The following ERC2 variants were observed in gnomAD, a reference collection of about 807,000 sequenced individuals.
The protein encoded by ERC2 is ERC protein 2.
Under a neutral mutation model 114.8 loss-of-function variants are expected in ERC2, and 42 were observed. The observed-to-expected ratio is 0.37, with a 90% confidence interval of 0.29 to 0.47. ERC2 has a LOEUF of 0.47. ERC2 is among the 20% of genes least tolerant of loss of function. The pLI is 0.99. For missense variants in ERC2, 939 were observed against 1,150.7 expected (o/e 0.82, Z 2.66); for synonymous variants, 454 against 425.5 (o/e 1.07, Z -0.82).
At chr3:55,654,802 C>T (rs2148689249) in intron 17 of ERC2, among the ~76,000 whole-genome samples, 1 of 152,340 alleles carries the variant, frequency 6.6e-6, no homozygotes, top group Non-Finnish European at 1.5e-5. Flanking sequence ...CCCTAATTGC[C>T]AGGTTAGATG....
intron 1 of ERC2, among the ~76,000 whole-genome samples, chr3:56,445,904 CT>C (rs923803359): frequency 3.9e-4 from 58 of 147,348 alleles, no homozygotes; most frequent in South Asian, 4.3e-4. Flanking sequence ...AAGCGTAATG[CT>C]TTTTTTTTTT....
chr3:55,893,430 C>T (rs2063703958), intron 13 of ERC2, among the ~76,000 whole-genome samples: 1 of 152,062 alleles, frequency 6.6e-6, no homozygotes, highest in Admixed American at 6.5e-5. Context: ...TCTCCTTTTT[C>T]CTCACTTGAC....
chr3:56,252,724 T>C (rs1576096464), intron 3 of ERC2, among the ~76,000 whole-genome samples: 1 of 124,284 alleles, frequency 8.0e-6, no homozygotes, highest in South Asian at 2.5e-4. Context: ...GCCATTGAAC[T>C]CCAGCCTGGG....
At chr3:55,915,930 C>CA (rs1392531820) in intron 13 of ERC2, among the ~76,000 whole-genome samples, 1 of 152,046 alleles carries the variant, frequency 6.6e-6, no homozygotes. Context: ...GATTTTAAGA[C>CA]AAAAAAATCA....
At chr3:56,233,900 A>C (rs983927871) in intron 3 of ERC2, among the ~76,000 whole-genome samples, 6 of 152,120 alleles carry the variant, frequency 3.9e-5, no homozygotes, top group Non-Finnish European at 8.8e-5. Context: ...CTCACTCTTC[A>C]CTTTTAAGGA....
intron 14 of ERC2, among the ~76,000 whole-genome samples, chr3:55,797,681 T>C (rs2070628416): frequency 6.6e-6 from 1 of 152,166 alleles, no homozygotes. Context: ...AACTACAGAA[T>C]ATAAAATGGC....
intron 13 of ERC2, among the ~76,000 whole-genome samples, chr3:55,901,778 G>C (rs2064150322): frequency 1.3e-5 from 2 of 152,194 alleles, no homozygotes. Context: ...CCCATACTCT[G>C]AAGGAAGAAT....
At chr3:56,075,339 C>T (rs2076922636) in intron 7 of ERC2, among the ~76,000 whole-genome samples, 1 of 152,060 alleles carries the variant, frequency 6.6e-6, no homozygotes, top group Non-Finnish European at 1.5e-5. Flanking sequence ...GGGAGAGCAG[C>T]CGTCAACAGA....
chr3:55,553,011 A>AT (rs66602607), intron 17 of ERC2, among the ~76,000 whole-genome samples: 27,098 of 54,036 alleles, frequency 0.5, 10,788 homozygotes, highest in East Asian at 0.85. Flanking sequence ...GGGCTTCCAG[A>AT]TTTTTTTTTT....
intron 17 of ERC2, among the ~76,000 whole-genome samples, chr3:55,677,854 C>A (rs1004413568): frequency 1.3e-5 from 2 of 152,146 alleles, no homozygotes; most frequent in Non-Finnish European, 2.9e-5. Flanking sequence ...GGCTTATGGA[C>A]GCCTGCTTGA....
At chr3:56,183,297 T>C (rs1474009677) in intron 3 of ERC2, among the ~76,000 whole-genome samples, 1 of 152,206 alleles carries the variant, frequency 6.6e-6, no homozygotes, top group Non-Finnish European at 1.5e-5. Context: ...ATAAAGCTCA[T>C]AAAATCTTTA....
At chr3:55,644,316 G>A (rs936602698) in intron 17 of ERC2, among the ~76,000 whole-genome samples, 2 of 152,146 alleles carry the variant, frequency 1.3e-5, no homozygotes, top group African/African-American at 4.8e-5. Context: ...CCACAAACAA[G>A]CATTTCTATG....
At chr3:55,565,630 A>T (rs995984135) in intron 17 of ERC2, among the ~76,000 whole-genome samples, 33 of 152,004 alleles carry the variant, frequency 2.2e-4, no homozygotes, top group Non-Finnish European at 3.1e-4. Context: ...TAAACATCAT[A>T]AAAAAAATGT....
At chr3:55,743,523 G>T (rs2066103008) in intron 14 of ERC2, among the ~76,000 whole-genome samples, 1 of 150,610 alleles carries the variant, frequency 6.6e-6, no homozygotes, top group African/African-American at 2.4e-5. Flanking sequence ...AAGGATGGGA[G>T]GGACCATTGT....
At chr3:56,208,603 A>AG (rs1294356327) in intron 3 of ERC2, among the ~76,000 whole-genome samples, 1 of 152,184 alleles carries the variant, frequency 6.6e-6, no homozygotes, top group Non-Finnish European at 1.5e-5. Flanking sequence ...TTCCTGAAGA[A>AG]GGGGGACATT....
rs373838340 is a variant in ERC2, at chr3:55,683,871, C to A, written c.2848-12G>T. 2.5e-6 allele frequency: 4 copies of A among 1,610,716 alleles called. No homozygotes were observed. The African/African-American group carries it at 5.4e-5, about 22-fold the overall frequency. ...CCCTCCTCGTCATCCTGCGGCCGGC[C>A]CGAGGTGGGGAGGTGCACAGAGAGG... On this transcript the variant is annotated splice_polypyrimidine_tract_variant and intron_variant, in intron 16 of 17. Coordinates refer to ENST00000288221, the MANE Select transcript of ERC2 (RefSeq NM_015576.3).
At chr3:56,232,966 C>T (rs1031706823) in intron 3 of ERC2, among the ~76,000 whole-genome samples, 5 of 152,234 alleles carry the variant, frequency 3.3e-5, no homozygotes, top group African/African-American at 9.6e-5. Flanking sequence ...AAAAAACCCT[C>T]CTGAACACCC....
intron 14 of ERC2, among the ~76,000 whole-genome samples, chr3:55,789,858 A>G (rs1341061828): frequency 6.6e-6 from 1 of 152,168 alleles, no homozygotes; most frequent in Non-Finnish European, 1.5e-5. Context: ...ACTTTTTGGC[A>G]TCAATGTGAT....
chr3:55,889,749 T>C (rs1382249612), intron 13 of ERC2, among the ~76,000 whole-genome samples: 1 of 152,162 alleles, frequency 6.6e-6, no homozygotes, highest in Non-Finnish European at 1.5e-5. Context: ...AAAATACCCC[T>C]TCCAGCTGAA....
Sources: allele counts gnomAD v4.1 joint callset (sites outside exome capture counted in the v4.1 genomes callset), GRCh38; gene constraint gnomAD v4.1.1; transcripts MANE v1.5; gene names NCBI Gene and HGNC (gene_info 2026-07-23, HGNC 2026-07-21).